The following SFXN5 variants were observed in gnomAD, a reference collection of about 807,000 sequenced individuals.
SFXN5 encodes the protein sideroflexin-5.
Under a neutral mutation model 50.2 loss-of-function variants are expected in SFXN5, and 43 were observed. The ratio of observed to expected loss-of-function variants is 0.86; its 90% CI spans 0.67 to 1.11. The LOEUF is 1.11. SFXN5 is among the 50% of genes least tolerant of loss of function. The pLI, the probability that SFXN5 is intolerant of heterozygous loss-of-function variation, is 0.00. For synonymous variants in SFXN5, 203 were observed against 185.8 expected (o/e 1.09, Z -0.75); for missense variants, 463 against 454.1 (o/e 1.02, Z -0.18).
intron 2 of SFXN5, among the ~76,000 whole-genome samples, chr2:73,045,553 G>A (rs1198905294): frequency 6.6e-6 from 1 of 152,040 alleles, no homozygotes; most frequent in Non-Finnish European, 1.5e-5. Flanking sequence ...TGGGGGTGAG[G>A]GGATGAACTG....
In SFXN5 at chr2:73,071,705, TG is replaced by T; in HGVS notation, c.-1del. 2 of 1,612,416 alleles carry T rather than the reference TG, an allele frequency of 1.2e-6. No individual in the cohort carries two copies. Among genetic ancestry groups the T allele is most frequent in the Non-Finnish European group, 1.7e-6 (2 of 1,179,704 alleles). ...GATGCTGTAGTCGCTGTATCCGCCA[TG>T]GCCACTGACGCCCGCAATCTCCGGC... On this transcript the variant is annotated 5_prime_UTR_variant, in exon 1 of 14. Transcript: ENST00000272433.
At chr2:73,057,183 G>T (rs1682257219) in intron 2 of SFXN5, among the ~76,000 whole-genome samples, 1 of 152,046 alleles carries the variant, frequency 6.6e-6, no homozygotes, top group South Asian at 2.1e-4. Flanking sequence ...CTGTTACTCA[G>T]GCTGGAGTGC....
intron 3 of SFXN5, among the ~76,000 whole-genome samples, chr2:73,037,472 A>G (rs996810881): frequency 3.3e-5 from 5 of 152,352 alleles, no homozygotes; most frequent in African/African-American, 1.2e-4. Context: ...AGAATGAGAA[A>G]AAGTGATGAA....
intron 9 of SFXN5, among the ~76,000 whole-genome samples, chr2:72,994,028 G>A (rs1236457930): frequency 1.3e-5 from 2 of 152,152 alleles, no homozygotes; most frequent in Non-Finnish European, 2.9e-5. Context: ...TCTGCCAGGA[G>A]GCGGCACGGT....
intron 1 of SFXN5, among the ~76,000 whole-genome samples, chr2:73,065,775 G>C (rs1000445342): frequency 3.3e-5 from 5 of 151,910 alleles, no homozygotes; most frequent in African/African-American, 1.2e-4. Flanking sequence ...GGCTGATCTC[G>C]AACTCCTGTC....
At chr2:72,982,272 T>C (rs191269578) in intron 10 of SFXN5, among the ~76,000 whole-genome samples, 15 of 152,324 alleles carry the variant, frequency 9.8e-5, no homozygotes, top group South Asian at 2.1e-4. Context: ...GGTGGGCCCA[T>C]TGGTCATCCA....
At chr2:73,035,060 C>CT (rs1262834194) in intron 3 of SFXN5, among the ~76,000 whole-genome samples, 2 of 152,214 alleles carry the variant, frequency 1.3e-5, no homozygotes, top group South Asian at 2.1e-4. Context: ...TGCAACCTCT[C>CT]TGAGTCTCAC....
chr2:73,001,425 C>G (rs377469141), intron 7 of SFXN5, 100 bp downstream of exon 7: 3 of 1,260,958 alleles, frequency 2.4e-6, no homozygotes, highest in Non-Finnish European at 3.5e-6. Context: ...TGACCCTACA[C>G]GGGGTCTGGA....
chr2:73,048,096 C>A (rs1314982881), intron 2 of SFXN5, among the ~76,000 whole-genome samples: 1 of 152,106 alleles, frequency 6.6e-6, no homozygotes, highest in African/African-American at 2.4e-5. Context: ...CATGGATATC[C>A]ATTGCTATAT....
At chr2:72,955,587 G>T (rs893261876) in intron 13 of SFXN5, among the ~76,000 whole-genome samples, 1 of 152,230 alleles carries the variant, frequency 6.6e-6, no homozygotes, top group African/African-American at 2.4e-5. Flanking sequence ...ACTGCTTCTT[G>T]CTCCAGAGAG....
At chr2:72,968,782 T>C (rs1373559222) in intron 11 of SFXN5, among the ~76,000 whole-genome samples, 3 of 151,904 alleles carry the variant, frequency 2.0e-5, no homozygotes, top group Non-Finnish European at 4.4e-5. Context: ...TCTCTCTTTC[T>C]TTCTTTCCTC....
At chr2:73,022,600 TGGGGTGGGGACG>T in intron 4 of SFXN5, 24 bp from the exon 5 acceptor site, 2 of 522,076 alleles carry the variant, frequency 3.8e-6, no homozygotes, top group Non-Finnish European at 5.1e-6. Context: ...GAACAGAGAA[TGGGGTGGGGACG>T]GGGGTGTAGG....
At chr2:73,041,534 A>G (rs62147736) in intron 2 of SFXN5, 11,118 of 293,586 alleles carry the variant, frequency 0.038, 327 homozygotes, top group Non-Finnish European at 0.056. Flanking sequence ...TACTAAAAAT[A>G]CAAACATTAG....
intron 6 of SFXN5, among the ~76,000 whole-genome samples, chr2:73,008,312 A>T (rs1004855200): frequency 2.6e-5 from 4 of 152,196 alleles, no homozygotes; most frequent in African/African-American, 9.7e-5. Flanking sequence ...GCTGGAAATG[A>T]GGCATTTGGT....
At chr2:73,058,647 C>G (rs764172719) in intron 1 of SFXN5, 51 bp from the exon 2 acceptor site, 2 of 1,553,836 alleles carry the variant, frequency 1.3e-6, no homozygotes, top group East Asian at 2.2e-5. Flanking sequence ...GCTGCACACC[C>G]TTCTCCAGAC....
At chr2:73,059,517 C>G in intron 1 of SFXN5, 1 of 985,380 alleles carries the variant, frequency 1.0e-6, no homozygotes, top group Non-Finnish European at 1.2e-6. Context: ...GCAGCCAATT[C>G]CTGTTCCTTT....
chr2:72,950,399 A>G lies in SFXN5; in HGVS notation c.946-5300T>C, dbSNP rs1312618563. ...ATCCTGGTTCATAGCCTCTCACTCT[A>G]TCCCAGGCCAACTTAACTGGTCATT... On this transcript the variant is annotated intron_variant, in intron 13 of 13. Coordinates refer to ENST00000272433, the MANE Select transcript of SFXN5 (RefSeq NM_144579.3). This position sits in a 1 kb window ranked among gnomAD's most constrained non-coding sequence, Gnocchi z 4.2. Among the ~76,000 whole-genome samples, 4 of 152,160 alleles carry G rather than the reference A, an allele frequency of 2.6e-5. No homozygotes were observed. Among genetic ancestry groups the G allele is most frequent in the Non-Finnish European group, 1.5e-5 (1 of 68,010 alleles).
intron 1 of SFXN5, among the ~76,000 whole-genome samples, chr2:73,061,042 G>T (rs902672613): frequency 6.6e-6 from 1 of 151,720 alleles, no homozygotes; most frequent in Admixed American, 6.6e-5. Flanking sequence ...TGGACCGGGC[G>T]TGGTGGCTCA....
chr2:72,990,560 G>A (rs1672473546), intron 9 of SFXN5, among the ~76,000 whole-genome samples: 1 of 152,176 alleles, frequency 6.6e-6, no homozygotes, highest in Admixed American at 6.5e-5. Flanking sequence ...CCTACGTGAG[G>A]CCACTCAGCA....
Sources: gnomAD v4.1 joint callset for allele counts (sites outside exome capture counted in the v4.1 genomes callset) on GRCh38, gnomAD v4.1.1 for gene constraint, Gnocchi (gnomAD v3.1) non-coding constraint, MANE v1.5 for transcripts, NCBI Gene and HGNC (gene_info 2026-07-23, HGNC 2026-07-21) for gene names.